PRKG1: variants seen among roughly 807,000 people sequenced by gnomAD.
PRKG1 encodes the protein protein kinase cGMP-dependent 1, also known as cGMP-dependent protein kinase 1.
A neutral mutation model predicts 88.1 loss-of-function variants in PRKG1; 35 were observed. The observed-to-expected ratio is 0.40, with a 90% CI of 0.30 to 0.53. PRKG1 has a LOEUF of 0.53. Ranked by LOEUF, PRKG1 falls within the 20% of genes least tolerant of loss-of-function variation. The probability of loss-of-function intolerance (pLI) is 0.59; values close to 1 mark genes in which losing one functional copy is unlikely to be tolerated. For missense variants in PRKG1, 540 were observed against 839.8 expected, an observed-to-expected ratio of 0.64 and a Z score of 4.41; for synonymous variants, 303 against 292.5, an observed-to-expected ratio of 1.04 and a Z score of -0.37.
At chr10:51,988,504 A>C (rs1194178957) in intron 5 of PRKG1, among the ~76,000 whole-genome samples, 5 of 152,038 alleles carry the variant, frequency 3.3e-5, no homozygotes, top group Non-Finnish European at 7.4e-5. Context: ...TGGAAGTTTC[A>C]ATTTTTCCAC....
At chr10:51,326,182 A>G (rs779976095) in intron 2 of PRKG1, among the ~76,000 whole-genome samples, 1 of 152,216 alleles carries the variant, frequency 6.6e-6, no homozygotes, top group Non-Finnish European at 1.5e-5. Context: ...TTAGATACCT[A>G]TCTGAAATGT....
At chr10:51,481,946 ATTT>A (rs955188071) in intron 3 of PRKG1, among the ~76,000 whole-genome samples, 1 of 151,678 alleles carries the variant, frequency 6.6e-6, no homozygotes, top group African/African-American at 2.4e-5. Context: ...CACCATGATA[ATTT>A]TTTTTTAGTT....
rs1842782996 is a variant in PRKG1 at position 50,991,614 on chromosome 10, A to T, written c.236A>T (p.Gln79Leu). ...TACAGGTCCTTCCACGACCTCCGAC[A>T]GGCATTCCGGAAGTTCACCAAGTCC... The change falls in exon 1 of 18, where the codon CAG becomes CTG. Residue 79 changes from glutamine to leucine, a missense_variant. Gln to Leu is a moderately radical substitution (Grantham distance 113). Coordinates refer to the PRKG1 transcript ENST00000401604. This position sits in a 1 kb window ranked among gnomAD's most constrained non-coding sequence, Gnocchi z 4.5. The T allele has an allele frequency of 6.4e-7, 1 of 1,556,432 alleles. No homozygotes were observed. The highest frequency in any genetic ancestry group is 8.7e-7 in the Non-Finnish European group (1 of 1,152,866).
At chr10:52,164,615 G>A (rs1838379668) in intron 9 of PRKG1, among the ~76,000 whole-genome samples, 1 of 151,966 alleles carries the variant, frequency 6.6e-6, no homozygotes, top group Admixed American at 6.6e-5. Flanking sequence ...TTGATTAAAA[G>A]AGAATTCAAT....
chr10:51,132,599 G>T (rs1845594035), intron 1 of PRKG1, among the ~76,000 whole-genome samples: 2 of 150,764 alleles, frequency 1.3e-5, no homozygotes, highest in South Asian at 4.2e-4. Flanking sequence ...CTGTTTGTCT[G>T]ATTTAATAAA....
Position 51,994,335 on chromosome 10 carries a change from G to C in PRKG1, c.763-60149G>C, listed in dbSNP as rs139981937. 4.5e-4 allele frequency among the ~76,000 whole-genome samples: 69 copies of C among 152,190 alleles called. No homozygotes were observed. In the East Asian group the frequency reaches 0.012, roughly 26 times the overall value. On this transcript the variant is annotated intron_variant, in intron 5 of 17. Transcript: ENST00000373980. ...AAACTACATTGATCAAGGTCTCCTC[G>C]TGGCCCTATATTGCTGACAGAAGAT...
intron 7 of PRKG1, among the ~76,000 whole-genome samples, chr10:52,083,510 C>CT (rs891755244): frequency 4.6e-5 from 7 of 151,970 alleles, no homozygotes; most frequent in African/African-American, 1.7e-4. Flanking sequence ...CTATGCAGTC[C>CT]TTTCTTGGCT....
intron 2 of PRKG1, among the ~76,000 whole-genome samples, chr10:51,344,668 T>C (rs539202350): frequency 1.3e-5 from 2 of 152,020 alleles, no homozygotes; most frequent in East Asian, 1.9e-4. Flanking sequence ...AAGATGTCCT[T>C]TTTTTTTCAC....
At chr10:51,404,848 A>C (rs1837861560) in intron 2 of PRKG1, among the ~76,000 whole-genome samples, 1 of 152,196 alleles carries the variant, frequency 6.6e-6, no homozygotes, top group African/African-American at 2.4e-5. Flanking sequence ...CATCTATGCA[A>C]CTTAAGCAGT....
chr10:52,267,915 A>G (rs1841619106), intron 10 of PRKG1, among the ~76,000 whole-genome samples: 1 of 152,086 alleles, frequency 6.6e-6, no homozygotes, highest in South Asian at 2.1e-4. Context: ...AACATTCTTG[A>G]ATGATCTTTG....
intron 5 of PRKG1, among the ~76,000 whole-genome samples, chr10:52,052,104 G>C (rs769443243): frequency 2.0e-5 from 3 of 152,030 alleles, no homozygotes; most frequent in South Asian, 2.1e-4. Context: ...TAAAAATTCA[G>C]CTTCTGAGTC....
chr10:51,340,835 A>C (rs1332715017), intron 2 of PRKG1, among the ~76,000 whole-genome samples: 4 of 152,202 alleles, frequency 2.6e-5, no homozygotes, highest in African/African-American at 9.6e-5. Flanking sequence ...TGTCGTGAAT[A>C]AGACAATCTA....
At chr10:51,041,977 A>C (rs193297326) in intron 1 of PRKG1, among the ~76,000 whole-genome samples, 214 of 152,238 alleles carry the variant, frequency 1.4e-3, no homozygotes, top group African/African-American at 4.6e-3. Flanking sequence ...CAGGGAGCAC[A>C]CCCTGCCTGA....
intron 1 of PRKG1, among the ~76,000 whole-genome samples, chr10:51,082,233 G>C (rs1011602377): frequency 1.3e-5 from 2 of 152,106 alleles, no homozygotes; most frequent in African/African-American, 4.8e-5. Context: ...TAGCCACTAG[G>C]CTCTCTTACT....
At chr10:52,099,568 C>T (rs1214435380) in intron 7 of PRKG1, among the ~76,000 whole-genome samples, 4 of 151,994 alleles carry the variant, frequency 2.6e-5, no homozygotes, top group Non-Finnish European at 4.4e-5. Context: ...GGTAACAGGT[C>T]GGAGTAGGAG....
At chr10:52,098,203 TATG>T (rs904792016) in intron 7 of PRKG1, among the ~76,000 whole-genome samples, 4 of 152,226 alleles carry the variant, frequency 2.6e-5, no homozygotes, top group African/African-American at 7.2e-5. Context: ...TGTTTTTTAT[TATG>T]ATAATTTTCA....
intron 5 of PRKG1, among the ~76,000 whole-genome samples, chr10:52,019,104 G>T (rs944005472): frequency 1.3e-5 from 2 of 152,114 alleles, no homozygotes; most frequent in East Asian, 1.9e-4. Context: ...AAAGGCGTAG[G>T]GGGAGGTACC....
Position 51,716,675 on chromosome 10 carries a change from G to A in PRKG1, c.593-87910G>A, listed in dbSNP as rs113641707. On this transcript the variant is annotated intron_variant, in intron 3 of 17. Transcript: ENST00000373980. ...TGACCTCCTTTGAAGTGAATGTAGGGCAGTTTTGTTAATAATATTGCTGTT... is the reference window on the plus strand; with the variant it reads ...TGACCTCCTTTGAAGTGAATGTAGGACAGTTTTGTTAATAATATTGCTGTT... Among the ~76,000 whole-genome samples the A allele has an allele frequency of 3.7e-3, 566 of 152,170 alleles. 4 individuals are homozygous for A. Among genetic ancestry groups the A allele is most frequent in the African/African-American group, 0.013 (551 of 41,514 alleles).
At chr10:51,954,632 A>C (rs1298725092) in intron 5 of PRKG1, among the ~76,000 whole-genome samples, 2 of 152,172 alleles carry the variant, frequency 1.3e-5, no homozygotes, top group Non-Finnish European at 2.9e-5. Flanking sequence ...ATAGACGCCC[A>C]CTTTCTCAGA....
Sources: gnomAD v4.1 joint callset for allele counts (sites outside exome capture counted in the v4.1 genomes callset) on GRCh38, gnomAD v4.1.1 for gene constraint, Gnocchi (gnomAD v3.1) non-coding constraint, MANE v1.5 for transcripts, NCBI Gene and HGNC (gene_info 2026-07-23, HGNC 2026-07-21) for gene names.